Variants in LTF observed in about 807,000 individuals in gnomAD.
LTF encodes lactotransferrin.
Under a neutral mutation model 87.2 loss-of-function variants are expected in LTF, and 91 were observed. That is an observed-to-expected ratio of 1.04 (90% CI 0.88 to 1.24). LTF has a LOEUF of 1.24. Ranked by LOEUF, LTF falls within the 50% of genes most tolerant of loss-of-function variation. The pLI is 0.00. For synonymous variants in LTF, 378 were observed against 356.1 expected, an observed-to-expected ratio of 1.06 and a Z score of -0.69; for missense variants, 901 against 904.3, an observed-to-expected ratio of 1.00 and a Z score of 0.05.
chr3:46,451,251 G>C (rs1258978299), intron 6 of LTF, among the ~76,000 whole-genome samples: 1 of 152,180 alleles, frequency 6.6e-6, no homozygotes, highest in Non-Finnish European at 1.5e-5. Flanking sequence ...TATGAGATTA[G>C]TACAACCTTG....
At chr3:46,438,252 G>A (rs1396894386) in intron 15 of LTF, 123 bp from the exon 16 acceptor site, 1 of 789,932 alleles carries the variant, frequency 1.3e-6, no homozygotes. Flanking sequence ...AGAAGGAGCT[G>A]AGTTCTGGAG....
intron 1 of LTF, among the ~76,000 whole-genome samples, chr3:46,473,326 A>G (rs373748511): frequency 6.6e-6 from 1 of 152,310 alleles, no homozygotes; most frequent in South Asian, 2.1e-4. Flanking sequence ...CTACTCTGGC[A>G]ATGTGTACTC....
At chr3:46,467,474 C>T (rs1329474761), upstream of LTF, among the ~76,000 whole-genome samples, 2 of 151,842 alleles carry the variant, frequency 1.3e-5, no homozygotes, top group African/African-American at 4.8e-5. Context: ...AGCCTGGGTA[C>T]CTGAAGGAAG....
intron 1 of LTF, 71 bp downstream of exon 1, chr3:46,464,754 C>G: frequency 1.9e-6 from 3 of 1,566,086 alleles, no homozygotes; most frequent in Non-Finnish European, 2.6e-6. Flanking sequence ...ACACAGGGAC[C>G]AAAGCGCCTA....
intron 6 of LTF, chr3:46,453,954 A>G (rs1249022343): frequency 3.7e-6 from 1 of 272,340 alleles, no homozygotes; most frequent in Non-Finnish European, 7.1e-6. Flanking sequence ...CAGAAAACCC[A>G]AGTAGCAGGA....
intron 1 of LTF, among the ~76,000 whole-genome samples, chr3:46,461,454 A>G (rs1467690443): frequency 6.6e-6 from 1 of 152,278 alleles, no homozygotes; most frequent in Non-Finnish European, 1.5e-5. Flanking sequence ...AATATTACTC[A>G]GCAGTGAAAA....
intron 6 of LTF, 104 bp from the exon 7 acceptor site, chr3:46,450,777 T>C (rs1425038469): frequency 4.1e-6 from 4 of 968,504 alleles, no homozygotes; most frequent in Non-Finnish European, 6.3e-6. Context: ...CTTGGGGAGA[T>C]AGCTGACAAA....
chr3:46,460,279 C>T (rs4683234), intron 1 of LTF, among the ~76,000 whole-genome samples: 4 of 152,092 alleles, frequency 2.6e-5, no homozygotes, highest in African/African-American at 9.6e-5. Context: ...TGAGAATCCA[C>T]GTCTCTCTAG....
chr3:46,469,213 G>A (rs1189042332), upstream of LTF, among the ~76,000 whole-genome samples: 1 of 152,236 alleles, frequency 6.6e-6, no homozygotes, highest in Non-Finnish European at 1.5e-5. Flanking sequence ...CACACAGTGA[G>A]TGAGATACAA....
At chr3:46,465,046 G>A (rs1057415318), upstream of LTF, 19 of 661,120 alleles carry the variant, frequency 2.9e-5, no homozygotes, top group East Asian at 4.2e-4. Flanking sequence ...CCCTGAGGCA[G>A]GACAGGACTC....
chr3:46,455,278 G>A lies in LTF; in HGVS notation c.647+17C>T, dbSNP rs774752662. 1.9e-6 allele frequency: 3 copies of A among 1,614,156 alleles called. No homozygotes were observed. Among genetic ancestry groups the A allele is most frequent in the South Asian group, 2.2e-5 (2 of 91,072 alleles). On this transcript the variant is annotated intron_variant, in intron 5 of 16. Transcript: ENST00000231751. ...GGGACACTTGGCCACTGACGAGAAG[G>A]GGACAGGGTCACTCACTTGAAGGCA...
intron 12 of LTF, among the ~76,000 whole-genome samples, chr3:46,444,933 C>G (rs1052809012): frequency 6.6e-6 from 1 of 152,234 alleles, no homozygotes; most frequent in African/African-American, 2.4e-5. Flanking sequence ...TTTCCCCAAG[C>G]TGGGAAGCCA....
chr3:46,479,459 G>C (rs1703404364), intron 1 of LTF, among the ~76,000 whole-genome samples: 1 of 152,228 alleles, frequency 6.6e-6, no homozygotes, highest in Non-Finnish European at 1.5e-5. Context: ...GCAGAGAGAT[G>C]ATTAGGGAGG....
At chr3:46,483,273 T>C (rs895645817) in intron 1 of LTF, among the ~76,000 whole-genome samples, 7 of 152,224 alleles carry the variant, frequency 4.6e-5, no homozygotes, top group African/African-American at 1.4e-4. Context: ...CAGCACTGCC[T>C]GGAACCCAGC....
At chr3:46,477,056 C>T (rs556100869) in intron 1 of LTF, among the ~76,000 whole-genome samples, 19 of 152,318 alleles carry the variant, frequency 1.2e-4, no homozygotes, top group African/African-American at 2.4e-4. Context: ...CATATGACTA[C>T]GTTCTGCTTT....
intron 1 of LTF, among the ~76,000 whole-genome samples, chr3:46,478,651 G>C (rs1168852926): frequency 6.6e-6 from 1 of 152,186 alleles, no homozygotes; most frequent in Admixed American, 6.5e-5. Context: ...AAGATGACTG[G>C]CAGAATGAGG....
chr3:46,437,698 A>G (rs973105702), intron 16 of LTF, among the ~76,000 whole-genome samples: 2 of 152,196 alleles, frequency 1.3e-5, no homozygotes, highest in African/African-American at 4.8e-5. Flanking sequence ...TCAGTTTCCA[A>G]AGATTTCATG....
intron 2 of LTF, among the ~76,000 whole-genome samples, chr3:46,457,583 C>G (rs190131156): frequency 1.3e-5 from 2 of 152,180 alleles, no homozygotes; most frequent in African/African-American, 4.8e-5. Flanking sequence ...CAGCTTCACT[C>G]TTGAATCACC....
At position 46,445,167 on chromosome 3, in the gene LTF, C is replaced by T. The variant is rs567652979; in HGVS notation, c.1513+114G>A. 29 of 1,098,160 alleles carry T rather than the reference C, an allele frequency of 2.6e-5. No individual in the cohort carries two copies. In the African/African-American group the frequency reaches 2.9e-4, roughly 11 times the overall value. The allele number at this position is 1,098,160 out of a possible 1,614,324, so 68.0% of individuals were successfully genotyped here. A position where few individuals can be genotyped will look rare whatever the true frequency, so the allele number is the denominator to read the frequency against. On this transcript the variant is annotated intron_variant, in intron 12 of 16. Coordinates refer to ENST00000231751, the MANE Select transcript of LTF (RefSeq NM_002343.6). ...GAGAATTTCCTTATGCTGGAAGAGG[C>T]CTGCAGGCCACTATCAGCCTGCAAA...
Sources: allele counts gnomAD v4.1 joint callset (sites outside exome capture counted in the v4.1 genomes callset), GRCh38; gene constraint gnomAD v4.1.1; transcripts MANE v1.5; gene names NCBI Gene and HGNC (gene_info 2026-07-23, HGNC 2026-07-21).